SSBP2: variants seen among roughly 807,000 people sequenced by gnomAD.
SSBP2 encodes the protein single-stranded DNA-binding protein 2.
SSBP2 carries 17 observed loss-of-function variants against 61.8 expected under a neutral mutation model. The observed-to-expected ratio is 0.28, with a 90% confidence interval of 0.19 to 0.41. The LOEUF is 0.41. SSBP2 is among the 10% of genes least tolerant of loss of function. The pLI, the probability that SSBP2 is intolerant of heterozygous loss-of-function variation, is 1.00. For synonymous variants in SSBP2, 139 were observed against 141.3 expected (o/e 0.98, Z 0.12); for missense variants, 310 against 458.7 (o/e 0.68, Z 2.96).
intron 5 of SSBP2, among the ~76,000 whole-genome samples, chr5:81,505,668 A>G (rs373576374): frequency 6.6e-6 from 1 of 152,224 alleles, no homozygotes; most frequent in Non-Finnish European, 1.5e-5. Context: ...AAGAAAAACT[A>G]TAATTTCAAA....
intron 7 of SSBP2, among the ~76,000 whole-genome samples, chr5:81,474,096 T>G (rs1765432220): frequency 6.6e-6 from 1 of 152,202 alleles, no homozygotes; most frequent in Non-Finnish European, 1.5e-5. Flanking sequence ...TTATTGAGAT[T>G]GTTAAACTAA....
At chr5:81,454,479 G>A (rs1010304609) in intron 10 of SSBP2, among the ~76,000 whole-genome samples, 2 of 152,124 alleles carry the variant, frequency 1.3e-5, no homozygotes, top group African/African-American at 4.8e-5. Flanking sequence ...TCAGGAATTC[G>A]AGACCAGCGT....
intron 3 of SSBP2, among the ~76,000 whole-genome samples, chr5:81,623,366 C>T (rs532038847): frequency 6.3e-4 from 80 of 126,786 alleles, no homozygotes; most frequent in Non-Finnish European, 9.9e-4. Context: ...GACGGAGTCT[C>T]GCTCTGTCAC....
intron 1 of SSBP2, among the ~76,000 whole-genome samples, chr5:81,730,531 T>A (rs544580915): frequency 6.6e-6 from 1 of 152,182 alleles, no homozygotes; most frequent in Non-Finnish European, 1.5e-5. Context: ...GGTCTTGAAA[T>A]GTTTACATAG....
chr5:81,714,359 A>G (rs1755032668), intron 1 of SSBP2, among the ~76,000 whole-genome samples: 1 of 152,196 alleles, frequency 6.6e-6, no homozygotes, highest in African/African-American at 2.4e-5. Flanking sequence ...TAGTGCTGCA[A>G]TAAACATACA....
At chr5:81,422,280 C>T (rs1313295178) in intron 16 of SSBP2, among the ~76,000 whole-genome samples, 1 of 151,986 alleles carries the variant, frequency 6.6e-6, no homozygotes, top group Non-Finnish European at 1.5e-5. Context: ...CTGCAGAAAT[C>T]AGAAAGACAT....
At position 81,690,203 on chromosome 5, in the gene SSBP2, A is replaced by G. The variant is rs143332808; in HGVS notation, c.63-39864T>C. Among the ~76,000 whole-genome samples, 282 of 152,272 alleles carry G rather than the reference A, an allele frequency of 1.9e-3. 2 individuals are homozygous for G. The highest frequency in any genetic ancestry group is 6.3e-3 in the African/African-American group (260 of 41,576). On this transcript the variant is annotated intron_variant, in intron 1 of 16. Coordinates refer to ENST00000320672, the MANE Select transcript of SSBP2 (RefSeq NM_012446.5). Reference sequence around the variant, plus strand: ...AGAAAAGAAGAAAGAGAAGACCATAAGACAACCAGAAAACAAATAACAAAA... The same window carrying G: ...AGAAAAGAAGAAAGAGAAGACCATAGGACAACCAGAAAACAAATAACAAAA...
At chr5:81,622,384 A>G (rs1327261435) in intron 3 of SSBP2, among the ~76,000 whole-genome samples, 1 of 152,224 alleles carries the variant, frequency 6.6e-6, no homozygotes, top group East Asian at 1.9e-4. Context: ...TTTCCCACCT[A>G]TAAAAGTGGA....
At chr5:81,498,957 A>G (rs934490272) in intron 5 of SSBP2, among the ~76,000 whole-genome samples, 27 of 152,144 alleles carry the variant, frequency 1.8e-4, no homozygotes, top group Non-Finnish European at 3.7e-4. Context: ...TTATACATCA[A>G]ATGAATTTTG....
chr5:81,685,462 AAAG>A (rs1416972861), intron 1 of SSBP2, among the ~76,000 whole-genome samples: 1 of 152,132 alleles, frequency 6.6e-6, no homozygotes, highest in African/African-American at 2.4e-5. Context: ...GTGTGGAGGG[AAAG>A]AAGGAGTATA....
At chr5:81,632,922 T>C (rs1207323072) in intron 3 of SSBP2, among the ~76,000 whole-genome samples, 3 of 152,138 alleles carry the variant, frequency 2.0e-5, no homozygotes, top group Admixed American at 6.5e-5. Flanking sequence ...ATTACTCAGC[T>C]TTATAAGTCA....
At position 81,416,551 on chromosome 5, in the gene SSBP2, C is replaced by A. The variant is rs932350677; in HGVS notation, c.*3953G>T. The A allele has an allele frequency of 3.3e-5, 5 of 152,110 alleles. No individual in the cohort carries two copies. The highest frequency in any genetic ancestry group is 6.6e-5 in the Admixed American group (1 of 15,262). The allele number at this position is 152,110 out of a possible 1,614,324, so 9.4% of individuals were successfully genotyped here. ...GTATTAAGGACGGTGGAAAACTTCCCCAGCCAAAGGAGCAGTTCTGAATGC... is the reference window on the plus strand; with the variant it reads ...GTATTAAGGACGGTGGAAAACTTCCACAGCCAAAGGAGCAGTTCTGAATGC... On this transcript the variant is annotated 3_prime_UTR_variant, in exon 17 of 17. Transcript: ENST00000320672.
chr5:81,578,629 T>C (rs1774411871), intron 4 of SSBP2, among the ~76,000 whole-genome samples: 1 of 151,440 alleles, frequency 6.6e-6, no homozygotes. Context: ...AAAAAGATAG[T>C]GATTAAGAGT....
chr5:81,707,887 G>T (rs1445191895), intron 1 of SSBP2, among the ~76,000 whole-genome samples: 5 of 152,086 alleles, frequency 3.3e-5, no homozygotes. Context: ...AAGCAAATAG[G>T]AGATGTTATC....
chr5:81,484,380 C>G (rs573994231), intron 6 of SSBP2, among the ~76,000 whole-genome samples: 17 of 152,118 alleles, frequency 1.1e-4, no homozygotes, highest in Admixed American at 9.2e-4. Context: ...ATAGAATTCA[C>G]TATGCAAAAT....
At position 81,466,958 on chromosome 5, in the gene SSBP2, A is replaced by G. The variant is rs1249092032; in HGVS notation, c.638+16T>C. 2 of 1,534,016 alleles carry G rather than the reference A, an allele frequency of 1.3e-6. No homozygotes were observed. Reference sequence around the variant, plus strand: ...CATCCACGTAATAATGTAGTATATGATATAACATTGCTTACATGTTCATTC... The same window carrying G: ...CATCCACGTAATAATGTAGTATATGGTATAACATTGCTTACATGTTCATTC... On this transcript the variant is annotated intron_variant, in intron 9 of 16. Transcript: ENST00000320672.
chr5:81,698,276 T>C (rs1343130940), intron 1 of SSBP2, among the ~76,000 whole-genome samples: 1 of 152,254 alleles, frequency 6.6e-6, no homozygotes, highest in African/African-American at 2.4e-5. Context: ...GGCAACCTAA[T>C]GTAGATTGTG....
intron 1 of SSBP2, among the ~76,000 whole-genome samples, chr5:81,734,184 T>G (rs1756447976): frequency 1.3e-5 from 2 of 152,126 alleles, no homozygotes; most frequent in African/African-American, 4.8e-5. Flanking sequence ...CTTTTATAAT[T>G]CCTTAAATAC....
At chr5:81,676,551 C>G (rs1225438071) in intron 1 of SSBP2, among the ~76,000 whole-genome samples, 1 of 152,122 alleles carries the variant, frequency 6.6e-6, no homozygotes, top group Non-Finnish European at 1.5e-5. Context: ...AGCATCGTTT[C>G]ACAGCTAATT....
Sources: allele counts gnomAD v4.1 joint callset (sites outside exome capture counted in the v4.1 genomes callset), GRCh38; gene constraint gnomAD v4.1.1; transcripts MANE v1.5; gene names NCBI Gene and HGNC (gene_info 2026-07-23, HGNC 2026-07-21).